Variants in GRB14 observed in about 807,000 individuals in gnomAD.
GRB14 encodes the protein growth factor receptor bound protein 14, also known as growth factor receptor-bound protein 14.
In GRB14, 38 loss-of-function variants were observed where a neutral mutation model predicts 69.1. The observed-to-expected ratio is 0.55, with a 90% CI of 0.42 to 0.72. The LOEUF is 0.72. GRB14 is among the 30% of genes least tolerant of loss of function. The pLI is 0.00. For missense variants in GRB14, 666 were observed against 666.1 expected (o/e 1.00, Z 0.00); for synonymous variants, 247 against 241.3 (o/e 1.02, Z -0.22).
intron 2 of GRB14, among the ~76,000 whole-genome samples, chr2:164,617,470 A>G (rs2105364537): frequency 6.6e-6 from 1 of 152,014 alleles, no homozygotes; most frequent in African/African-American, 2.4e-5. Flanking sequence ...AGGAAATGTC[A>G]TCAATCTCTA....
At chr2:164,572,157 A>C (rs747044597) in intron 2 of GRB14, among the ~76,000 whole-genome samples, 19 of 152,232 alleles carry the variant, frequency 1.2e-4, no homozygotes, top group Non-Finnish European at 2.5e-4. Flanking sequence ...GAAAAATGCT[A>C]TTAGGTTGGT....
intron 4 of GRB14, among the ~76,000 whole-genome samples, chr2:164,526,650 G>C (rs1687781850): frequency 6.6e-6 from 1 of 151,954 alleles, no homozygotes; most frequent in Admixed American, 6.6e-5. Flanking sequence ...CTTAACACTT[G>C]TTCCTAATCT....
intron 2 of GRB14, among the ~76,000 whole-genome samples, chr2:164,579,895 T>G (rs1381886068): frequency 1.3e-5 from 2 of 152,178 alleles, no homozygotes; most frequent in African/African-American, 4.8e-5. Flanking sequence ...GTATCTATTT[T>G]CATTCTTATA....
At chr2:164,540,725 A>T (rs777198438) in intron 3 of GRB14, among the ~76,000 whole-genome samples, 14 of 152,166 alleles carry the variant, frequency 9.2e-5, no homozygotes, top group Non-Finnish European at 1.6e-4. Flanking sequence ...AACAAATATT[A>T]GGCCTTGTTT....
chr2:164,541,176 T>A (rs1056700587), intron 3 of GRB14, among the ~76,000 whole-genome samples: 12 of 152,082 alleles, frequency 7.9e-5, no homozygotes, highest in Non-Finnish European at 1.0e-4. Flanking sequence ...AAATATTTTT[T>A]AAAATAATAG....
intron 2 of GRB14, among the ~76,000 whole-genome samples, chr2:164,597,584 C>T (rs183574134): frequency 1.2e-4 from 18 of 151,840 alleles, no homozygotes; most frequent in African/African-American, 3.9e-4. Context: ...ATTCTCGAAC[C>T]ATTAAAGAAG....
intron 4 of GRB14, among the ~76,000 whole-genome samples, 169 bp from the exon 5 acceptor site, chr2:164,525,247 T>G (rs1687739684): frequency 1.3e-5 from 2 of 152,098 alleles, no homozygotes; most frequent in Non-Finnish European, 2.9e-5. Flanking sequence ...GGTACCTTAA[T>G]GAGAATGTCT....
rs200437799 is a variant in GRB14 at position 164,494,419 on chromosome 2, C to T, written c.1476+12G>A. On this transcript the variant is annotated intron_variant, in intron 13 of 13. Transcript: ENST00000263915. ...TTTCTAATACACAAATGTGAAATCA[C>T]GAATTACTTACTGGTATAATTTGAA... The T allele has an allele frequency of 1.0e-4, 144 of 1,375,986 alleles. No individual in the cohort carries two copies. The highest frequency in any genetic ancestry group is 8.7e-4 in the East Asian group (38 of 43,756). The allele number at this position is 1,375,986 out of a possible 1,614,324, so 85.2% of individuals were successfully genotyped here.
chr2:164,552,010 T>C (rs1170952201), intron 2 of GRB14, among the ~76,000 whole-genome samples: 2 of 152,264 alleles, frequency 1.3e-5, no homozygotes, highest in East Asian at 3.9e-4. Context: ...GGGTGTCACA[T>C]GGCAAGAGAG....
Position 164,619,616 on chromosome 2 carries a change from G to A in GRB14, c.324+71C>T, listed in dbSNP as rs116448520. On this transcript the variant is annotated intron_variant, in intron 2 of 13. Transcript: ENST00000263915. ...ATCCTTTGTTAATACTGTAAATTAC[G>A]GAACACCTTAAAGACTGTATGGATT... is the stretch of plus-strand genomic sequence containing the variant. The A allele has an allele frequency of 1.6e-3, 1,636 of 1,006,066 alleles. 22 individuals carry two copies. The African/African-American group carries it at 0.024, about 15-fold the overall frequency. 62.3% of individuals were successfully genotyped at this position (1,006,066 alleles called of 1,614,324 possible).
At chr2:164,613,914 T>C (rs1466998020) in intron 2 of GRB14, among the ~76,000 whole-genome samples, 1 of 152,194 alleles carries the variant, frequency 6.6e-6, no homozygotes, top group African/African-American at 2.4e-5. Flanking sequence ...TTGAAAATGG[T>C]AGAGATTAAG....
At chr2:164,582,610 G>A (rs949517964) in intron 2 of GRB14, among the ~76,000 whole-genome samples, 9 of 151,816 alleles carry the variant, frequency 5.9e-5, no homozygotes, top group Non-Finnish European at 1.2e-4. Context: ...TAGTAGAGAC[G>A]GGGTTTCGCC....
intron 6 of GRB14, among the ~76,000 whole-genome samples, chr2:164,520,773 A>G (rs923576684): frequency 2.6e-5 from 4 of 152,142 alleles, no homozygotes; most frequent in African/African-American, 9.7e-5. Flanking sequence ...CAACATCACC[A>G]AAGATCAAGG....
At chr2:164,519,847 C>T (rs1469517233) in intron 6 of GRB14, among the ~76,000 whole-genome samples, 1 of 151,946 alleles carries the variant, frequency 6.6e-6, no homozygotes, top group Non-Finnish European at 1.5e-5. Flanking sequence ...CAAAACATTG[C>T]TGAAAGAAAA....
chr2:164,545,055 A>G (rs1251404891), intron 3 of GRB14, among the ~76,000 whole-genome samples: 1 of 152,258 alleles, frequency 6.6e-6, no homozygotes, highest in Non-Finnish European at 1.5e-5. Flanking sequence ...TCTTGAATGC[A>G]TCAAACAAAG....
chr2:164,536,213 G>C (rs1688075581), intron 3 of GRB14, among the ~76,000 whole-genome samples: 1 of 152,054 alleles, frequency 6.6e-6, no homozygotes, highest in African/African-American at 2.4e-5. Context: ...ATTTGTCTTA[G>C]ACCCTGGGTT....
chr2:164,616,025 A>G (rs1482759771), intron 2 of GRB14, among the ~76,000 whole-genome samples: 1 of 152,200 alleles, frequency 6.6e-6, no homozygotes, highest in Non-Finnish European at 1.5e-5. Context: ...TTTCTGGACC[A>G]TGTATGTAAG....
chr2:164,539,431 C>T (rs2105302152), intron 3 of GRB14, among the ~76,000 whole-genome samples: 1 of 151,768 alleles, frequency 6.6e-6, no homozygotes, highest in Admixed American at 6.6e-5. Flanking sequence ...GCCAGTATCA[C>T]ATACTGTACT....
intron 2 of GRB14, among the ~76,000 whole-genome samples, chr2:164,588,692 C>A (rs1468506711): frequency 6.6e-6 from 1 of 152,086 alleles, no homozygotes; most frequent in Non-Finnish European, 1.5e-5. Flanking sequence ...GGTAGACCTC[C>A]TTATGTTGAG....
Sources: allele counts gnomAD v4.1 joint callset (sites outside exome capture counted in the v4.1 genomes callset), GRCh38; gene constraint gnomAD v4.1.1; transcripts MANE v1.5; gene names NCBI Gene and HGNC (gene_info 2026-07-23, HGNC 2026-07-21).